SIPA1L2: variants seen among roughly 807,000 people sequenced by gnomAD.
SIPA1L2 encodes the protein signal-induced proliferation-associated 1-like protein 2.
Under a neutral mutation model 163.9 loss-of-function variants are expected in SIPA1L2, and 56 were observed. That is an observed-to-expected ratio of 0.34 (90% CI 0.28 to 0.43). SIPA1L2 has a LOEUF of 0.43. Among genes scored for constraint, SIPA1L2 ranks in the 20% least tolerant of loss-of-function variants. The pLI is 1.00. For synonymous variants in SIPA1L2, 877 were observed against 865.7 expected, an observed-to-expected ratio of 1.01 and a Z score of -0.23; for missense variants, 1,974 against 2,193.5, an observed-to-expected ratio of 0.90 and a Z score of 2.00.
At chr1:232,550,224 G>A (rs920388757) in intron 2 of SIPA1L2, among the ~76,000 whole-genome samples, 1 of 152,182 alleles carries the variant, frequency 6.6e-6, no homozygotes, top group Non-Finnish European at 1.5e-5. Flanking sequence ...CTGTCTAAAA[G>A]CTCAACAGAA....
In SIPA1L2 at chr1:232,399,187, C is replaced by T. The variant is rs752137016; in HGVS notation, c.5109G>A (p.Ala1703=). 1.1e-5 allele frequency: 18 copies of T among 1,613,764 alleles called. No individual in the cohort carries two copies. Among genetic ancestry groups the T allele is most frequent in the South Asian group, 4.4e-5 (4 of 91,070 alleles). Residue 1703 remains alanine (A), a synonymous_variant, in exon 23 of 23, where the codon GCG becomes GCA. Transcript: ENST00000674635. ...NMRLQEESQT[A]TAQLRKFTEW... ...CTGTGAATTTCCGCAGCTGAGCTGT[C>T]GCGGTCTGGGACTCCTCCTGCAGTC...
At chr1:232,539,809 T>C (rs1657534838) in intron 2 of SIPA1L2, among the ~76,000 whole-genome samples, 1 of 152,180 alleles carries the variant, frequency 6.6e-6, no homozygotes, top group South Asian at 2.1e-4. Context: ...CCCAGTGACC[T>C]GTCAATCTAG....
intron 1 of SIPA1L2, among the ~76,000 whole-genome samples, chr1:232,587,458 C>T (rs528028341): frequency 6.6e-6 from 1 of 152,250 alleles, no homozygotes; most frequent in South Asian, 2.1e-4. Context: ...ACCACGGGCC[C>T]CTTAGGATCC....
intron 2 of SIPA1L2, among the ~76,000 whole-genome samples, chr1:232,555,228 A>G (rs1345304761): frequency 6.6e-6 from 1 of 152,238 alleles, no homozygotes; most frequent in East Asian, 1.9e-4. Context: ...TTAAACAGAG[A>G]AAAGTTTTCA....
intron 2 of SIPA1L2, among the ~76,000 whole-genome samples, chr1:232,536,419 G>A (rs567590204): frequency 3.3e-5 from 5 of 152,272 alleles, no homozygotes; most frequent in Admixed American, 1.3e-4. Flanking sequence ...TATTCTAGCC[G>A]TAAGGGTCCC....
At chr1:232,479,843 C>A in intron 6 of SIPA1L2, 113 bp from the exon 7 acceptor site, 1 of 786,082 alleles carries the variant, frequency 1.3e-6, no homozygotes, top group South Asian at 1.6e-5. Context: ...AAGCTCTACC[C>A]AACCAGTATC....
chr1:232,621,839 C>T (rs1191930345), intron 1 of SIPA1L2, among the ~76,000 whole-genome samples: 2 of 152,030 alleles, frequency 1.3e-5, no homozygotes, highest in Non-Finnish European at 2.9e-5. Flanking sequence ...AAGGGATCGG[C>T]CCTCCTCAGC....
intron 1 of SIPA1L2, among the ~76,000 whole-genome samples, chr1:232,585,016 TCA>T (rs1389047479): frequency 6.6e-6 from 1 of 152,226 alleles, no homozygotes; most frequent in Middle Eastern, 3.2e-3. Flanking sequence ...CCCCATTACT[TCA>T]CAGTGTTCAG....
chr1:232,435,505 C>T (rs966182285), intron 15 of SIPA1L2, among the ~76,000 whole-genome samples: 1 of 152,168 alleles, frequency 6.6e-6, no homozygotes. Context: ...GACTAATGCT[C>T]TTCTTTCGGA....
chr1:232,408,674 T>C (rs951529354), intron 19 of SIPA1L2, among the ~76,000 whole-genome samples: 9 of 152,208 alleles, frequency 5.9e-5, no homozygotes, highest in Non-Finnish European at 1.2e-4. Flanking sequence ...TTGTCTTTTG[T>C]GAAATTTATA....
intron 2 of SIPA1L2, among the ~76,000 whole-genome samples, chr1:232,556,489 A>G (rs1192750097): frequency 6.6e-6 from 1 of 152,250 alleles, no homozygotes; most frequent in Non-Finnish European, 1.5e-5. Flanking sequence ...TGCACAGACA[A>G]GGATGGAAAC....
At chr1:232,599,179 G>T (rs1661451223) in intron 1 of SIPA1L2, among the ~76,000 whole-genome samples, 1 of 152,022 alleles carries the variant, frequency 6.6e-6, no homozygotes. Flanking sequence ...ATGAGGGCAG[G>T]GGTTCTGGAT....
intron 2 of SIPA1L2, among the ~76,000 whole-genome samples, chr1:232,550,856 GA>G (rs1487510438): frequency 2.0e-5 from 3 of 152,064 alleles, no homozygotes. Context: ...ATTTTAAATG[GA>G]AAAAAGGGGG....
At chr1:232,444,811 A>AGTCC (rs1275537950) in intron 11 of SIPA1L2, among the ~76,000 whole-genome samples, 1 of 152,256 alleles carries the variant, frequency 6.6e-6, no homozygotes, top group Non-Finnish European at 1.5e-5. Context: ...CCTGGCTCCC[A>AGTCC]GTCCGTGGTC....
At position 232,465,495 on chromosome 1, in the gene SIPA1L2, TAC is replaced by T. The variant is rs144055946; in HGVS notation, c.2244-81_2244-80del. On this transcript the variant is annotated intron_variant, in intron 8 of 22. Transcript: ENST00000674635. The surrounding 1 kb of genome is among the most constrained non-coding windows in gnomAD (Gnocchi z 4.1). Reference sequence around the variant, plus strand: ...TATCTTTCCGAATTTGACATATATATACACACACACACACATATACATACACA... The same window carrying T: ...TATCTTTCCGAATTTGACATATATATACACACACACACATATACATACACA... 9,223 of 1,052,150 alleles carry T rather than the reference TAC, an allele frequency of 8.8e-3. 225 individuals carry two copies. The highest frequency in any genetic ancestry group is 0.074 in the Admixed American group (3,205 of 43,112). 65.2% of individuals were successfully genotyped at this position (1,052,150 alleles called of 1,614,324 possible). A position where few individuals can be genotyped will look rare whatever the true frequency, so the allele number is the denominator to read the frequency against.
chr1:232,508,720 T>A (rs1425728194), intron 3 of SIPA1L2, among the ~76,000 whole-genome samples: 2 of 152,174 alleles, frequency 1.3e-5, no homozygotes, highest in East Asian at 3.9e-4. Flanking sequence ...CACCAATGTG[T>A]CTTCATGGTT....
intron 2 of SIPA1L2, among the ~76,000 whole-genome samples, chr1:232,538,008 T>C (rs1353924756): frequency 6.6e-6 from 1 of 152,274 alleles, no homozygotes; most frequent in Non-Finnish European, 1.5e-5. Context: ...ACATCATTTA[T>C]TTAAGTTATC....
intron 17 of SIPA1L2, among the ~76,000 whole-genome samples, chr1:232,427,702 A>C (rs921383524): frequency 6.6e-6 from 1 of 152,258 alleles, no homozygotes; most frequent in African/African-American, 2.4e-5. Context: ...GAAGCCAATA[A>C]GCAAGCTAAC....
intron 2 of SIPA1L2, among the ~76,000 whole-genome samples, chr1:232,539,519 C>T (rs1558254225): frequency 6.6e-6 from 1 of 152,164 alleles, no homozygotes; most frequent in Non-Finnish European, 1.5e-5. Flanking sequence ...TCTGCACTCC[C>T]CCGAGTAGAT....
Sources: allele counts gnomAD v4.1 joint callset (sites outside exome capture counted in the v4.1 genomes callset), GRCh38; gene constraint gnomAD v4.1.1; non-coding constraint Gnocchi (gnomAD v3.1); transcripts MANE v1.5; gene names NCBI Gene and HGNC (gene_info 2026-07-23, HGNC 2026-07-21).